Variants in STMN4 observed in about 807,000 individuals in gnomAD.
STMN4 encodes the protein stathmin-4.
STMN4 carries 12 observed loss-of-function variants against 29.1 expected under a neutral mutation model. That is an observed-to-expected ratio of 0.41 (90% confidence interval 0.26 to 0.67). The LOEUF (loss-of-function observed/expected upper bound fraction) is 0.67. STMN4 is among the 30% of genes least tolerant of loss of function. STMN4 has a pLI of 0.30. For synonymous variants in STMN4, 114 were observed against 105.3 expected (o/e 1.08, Z -0.51); for missense variants, 181 against 262.8 (o/e 0.69, Z 2.15).
chr8:27,254,466 T>G (rs1801879271), intron 1 of STMN4, among the ~76,000 whole-genome samples: 1 of 152,196 alleles, frequency 6.6e-6, no homozygotes, highest in East Asian at 1.9e-4. Context: ...TGATCTGTTC[T>G]GTTCTCCTGC....
rs1213240875 is a variant in STMN4 at position 27,249,335 on chromosome 8, A to G, written c.-78-5534T>C. On this transcript the variant is annotated intron_variant, in intron 1 of 6. Transcript: ENST00000350889. Reference sequence around the variant, plus strand: ...AAGCCCATGGTTCTCGACTCAGTGCAGTCTCACTCCCGGGAACTACATGGG... The same window carrying G: ...AAGCCCATGGTTCTCGACTCAGTGCGGTCTCACTCCCGGGAACTACATGGG... Among the ~76,000 whole-genome samples the G allele has an allele frequency of 1.3e-5, 2 of 152,208 alleles. 1 individual carries two copies. Among genetic ancestry groups the G allele is most frequent in the Non-Finnish European group, 2.9e-5 (2 of 68,038 alleles).
intron 6 of STMN4, among the ~76,000 whole-genome samples, chr8:27,237,250 G>A (rs901532843): frequency 6.6e-6 from 1 of 152,192 alleles, no homozygotes; most frequent in Non-Finnish European, 1.5e-5. Context: ...ATAAGGAGCT[G>A]CTGGGGGTAA....
intron 6 of STMN4, chr8:27,239,703 C>T: frequency 1.4e-6 from 2 of 1,443,058 alleles, no homozygotes; most frequent in South Asian, 1.5e-5. Context: ...GAAAATCAGA[C>T]ATATATGCTC....
intron 1 of STMN4, among the ~76,000 whole-genome samples, chr8:27,256,065 G>T (rs1475251962): frequency 2.6e-5 from 4 of 152,162 alleles, no homozygotes; most frequent in Non-Finnish European, 5.9e-5. Context: ...GTACAACATG[G>T]ATGAGCCTTG....
Position 27,236,824 on chromosome 8 carries a change from A to C in STMN4, c.*22T>G. 6.3e-7 allele frequency: 1 copy of C among 1,587,418 alleles called. No homozygotes were observed. Among genetic ancestry groups the C allele is most frequent in the Non-Finnish European group, 8.6e-7 (1 of 1,168,832 alleles). The stretch of plus-strand genomic sequence containing the variant: ...TGCTGGAGCTGTCCGGCTGACCTGG[A>C]AAGTTCTTTGGCCTCTAGGCTTTAC... On this transcript the variant is annotated 3_prime_UTR_variant, in exon 7 of 7. Transcript: ENST00000350889.
intron 5 of STMN4, among the ~76,000 whole-genome samples, chr8:27,240,801 T>C (rs1388572054): frequency 2.0e-5 from 3 of 152,164 alleles, no homozygotes; most frequent in Non-Finnish European, 4.4e-5. Context: ...CCACCATGCA[T>C]ATAGGGCCAC....
At chr8:27,236,975 G>C (rs1298191091) in intron 6 of STMN4, 70 bp from the exon 7 acceptor site, 1 of 1,527,296 alleles carries the variant, frequency 6.5e-7, no homozygotes, top group Admixed American at 2.1e-5. Context: ...AGGCCAAGGG[G>C]CAAGAGAACC....
chr8:27,244,568 G>A (rs549902457), intron 1 of STMN4, among the ~76,000 whole-genome samples: 1 of 152,270 alleles, frequency 6.6e-6, no homozygotes, highest in East Asian at 1.9e-4. Context: ...AGCCTGGGAG[G>A]TGTCCCTGGT....
intron 1 of STMN4, among the ~76,000 whole-genome samples, chr8:27,255,446 T>C (rs139128051): frequency 6.6e-6 from 1 of 152,338 alleles, no homozygotes; most frequent in African/African-American, 2.4e-5. Flanking sequence ...GGGGAGACAG[T>C]CTGAAGCATT....
chr8:27,239,812 C>A (rs79575108), intron 6 of STMN4, 159 bp downstream of exon 6: 18,166 of 1,541,964 alleles, frequency 0.012, 146 homozygotes, highest in African/African-American at 0.031. Context: ...CTTCCCTGAT[C>A]ATCCTTCGGA....
chr8:27,254,325 G>T (rs1801874981), intron 1 of STMN4, among the ~76,000 whole-genome samples: 1 of 152,136 alleles, frequency 6.6e-6, no homozygotes. Context: ...CTCCCACTCT[G>T]GGTCTTTCAT....
chr8:27,236,934 G>A (rs1162545551), intron 6 of STMN4, 29 bp from the exon 7 acceptor site: 1 of 1,598,662 alleles, frequency 6.3e-7, no homozygotes, highest in South Asian at 1.1e-5. Context: ...AAAAGGGCAG[G>A]TCACACAAGG....
chr8:27,243,529 C>A (rs4733039), intron 2 of STMN4, among the ~76,000 whole-genome samples, 182 bp downstream of exon 2: 20,011 of 151,766 alleles, frequency 0.13, 1,934 homozygotes, highest in East Asian at 0.41. Context: ...CCTGTGGTGA[C>A]AGGCAGTGGT....
chr8:27,236,999 G>A, intron 6 of STMN4, 94 bp from the exon 7 acceptor site: 1 of 1,321,066 alleles, frequency 7.6e-7, no homozygotes, highest in South Asian at 1.4e-5. Context: ...AGCAAAGAGT[G>A]GCCACCACAG....
chr8:27,246,217 G>C (rs902016246), intron 1 of STMN4, among the ~76,000 whole-genome samples: 1 of 152,182 alleles, frequency 6.6e-6, no homozygotes, highest in Non-Finnish European at 1.5e-5. Context: ...GGAGTTTTAG[G>C]AACACAGAGA....
intron 1 of STMN4, among the ~76,000 whole-genome samples, chr8:27,253,192 C>T (rs1362731479): frequency 1.3e-5 from 2 of 152,222 alleles, no homozygotes; most frequent in African/African-American, 4.8e-5. Flanking sequence ...CAGAGCCAAG[C>T]TTCTGGCCCA....
intron 1 of STMN4, among the ~76,000 whole-genome samples, chr8:27,252,823 C>T (rs529859821): frequency 6.6e-6 from 1 of 152,314 alleles, no homozygotes; most frequent in South Asian, 2.1e-4. Flanking sequence ...TGGATGATTG[C>T]TGATGGCATG....
At chr8:27,248,595 A>G (rs2130124106) in intron 1 of STMN4, among the ~76,000 whole-genome samples, 1 of 151,742 alleles carries the variant, frequency 6.6e-6, no homozygotes, top group East Asian at 1.9e-4. Context: ...GATGCTGATA[A>G]TAATAGCAAT....
At chr8:27,237,005 C>T in intron 6 of STMN4, 100 bp from the exon 7 acceptor site, 1 of 1,296,686 alleles carries the variant, frequency 7.7e-7, no homozygotes, top group Non-Finnish European at 1.1e-6. Flanking sequence ...GAGTGGCCAC[C>T]ACAGGCAGCG....
Sources: allele counts gnomAD v4.1 joint callset (sites outside exome capture counted in the v4.1 genomes callset), GRCh38; gene constraint gnomAD v4.1.1; transcripts MANE v1.5; gene names NCBI Gene and HGNC (gene_info 2026-07-23, HGNC 2026-07-21).